CEP68: variants seen among roughly 807,000 people sequenced by gnomAD.
CEP68 encodes the protein centrosomal protein of 68 kDa.
Under a neutral mutation model 55.3 loss-of-function variants are expected in CEP68, and 26 were observed. That is an observed-to-expected ratio of 0.47 (90% CI 0.34 to 0.65). CEP68 has a LOEUF of 0.65. Among genes scored for constraint, CEP68 ranks in the 30% least tolerant of loss-of-function variants. The probability of loss-of-function intolerance (pLI) is 0.01; values close to 1 mark genes in which losing one functional copy is unlikely to be tolerated. For missense variants in CEP68, 957 were observed against 946.7 expected, an observed-to-expected ratio of 1.01 and a Z score of -0.14; for synonymous variants, 402 against 383.2, an observed-to-expected ratio of 1.05 and a Z score of -0.57.
Position 65,077,911 on chromosome 2 carries a change from G to A in CEP68, c.2051G>A (p.Ser684Asn), listed in dbSNP as rs994610846. 1.9e-6 allele frequency: 3 copies of A among 1,614,072 alleles called. No homozygotes were observed. The highest frequency in any genetic ancestry group is 2.2e-5 in the East Asian group (1 of 44,886). ...GATGAACATCAGTCTCTGACGGAGA[G>A]TGTCTTACAGAAGGGGGAGATTCTT... ...DIDEHQSLTE[S>N]VLQKGEILLQ... The change falls in exon 5 of 7, where the codon AGT becomes AAT. Residue 684 changes from serine to asparagine, a missense_variant. Transcript: ENST00000377990.
chr2:65,078,616 G>A (rs1160296104), intron 5 of CEP68, among the ~76,000 whole-genome samples: 5 of 152,162 alleles, frequency 3.3e-5, no homozygotes, highest in South Asian at 2.1e-4. Flanking sequence ...TTGGCTCACC[G>A]CAAGTTCACC....
At chr2:65,069,282 A>G (rs946635627) in intron 1 of CEP68, 117 bp from the exon 2 acceptor site, 12 of 600,572 alleles carry the variant, frequency 2.0e-5, no homozygotes, top group African/African-American at 9.0e-5. Flanking sequence ...AGTAGTCACC[A>G]TTTGTTTCCT....
intron 1 of CEP68, among the ~76,000 whole-genome samples, chr2:65,057,092 C>T (rs1370290611): frequency 2.6e-5 from 4 of 152,230 alleles, no homozygotes; most frequent in Non-Finnish European, 5.9e-5. Flanking sequence ...CCCTTTCTAA[C>T]TGTCATCACT....
chr2:65,069,496 G>A lies in CEP68; in HGVS notation c.52G>A (p.Ala18Thr), dbSNP rs774822169. Residue 18 changes from alanine (A) to threonine (T), a missense_variant, in exon 2 of 7, where the codon GCC becomes ACC. Transcript: ENST00000377990. ...AEAEASEDTKAQSYGRGSCRE... is the reference protein window; with the variant it reads ...AEAEASEDTKTQSYGRGSCRE... ...AGCGGAAGCATCTGAAGACACAAAG[G>A]CCCAGTCCTATGGGAGAGGGAGCTG... 7.7e-6 allele frequency: 12 copies of A among 1,553,028 alleles called. No homozygotes were observed. The highest frequency in any genetic ancestry group is 1.0e-5 in the Non-Finnish European group (12 of 1,149,074).
At chr2:65,068,958 A>T (rs1241184337) in intron 1 of CEP68, among the ~76,000 whole-genome samples, 1 of 152,166 alleles carries the variant, frequency 6.6e-6, no homozygotes, top group Non-Finnish European at 1.5e-5. Flanking sequence ...GTTCTCTAGG[A>T]TAGAACAGTC....
chr2:65,077,511 A>G (rs1053824723), intron 4 of CEP68, among the ~76,000 whole-genome samples: 5 of 152,154 alleles, frequency 3.3e-5, no homozygotes, highest in African/African-American at 1.2e-4. Flanking sequence ...CCTGTGGTCC[A>G]TTAGAATGGA....
rs137973455 is a variant in CEP68, at chr2:65,071,866, G to C, written c.770G>C (p.Gly257Ala). The change falls in exon 3 of 7, where the codon GGT (glycine) becomes GCT (alanine). Residue 257 changes from glycine to alanine, a missense_variant. Gly to Ala is a moderately conservative substitution (Grantham distance 60). Transcript: ENST00000377990. ...TCACCACAGCCTGTGTTCTCTGGGG[G>C]TGATGCTTCTGGGCTAGGCAGGAGA... ...QWSPQPVFSG[G>A]DASGLGRRRL... The C allele has an allele frequency of 1.4e-5, 22 of 1,608,676 alleles. No individual in the cohort carries two copies. The African/African-American group carries it at 2.7e-4, about 20-fold the overall frequency.
chr2:65,071,429 C>T (rs868454271), intron 2 of CEP68, 25 bp from the exon 3 acceptor site: 3 of 1,591,928 alleles, frequency 1.9e-6, no homozygotes, highest in Non-Finnish European at 2.6e-6. Flanking sequence ...TACCCAAGTG[C>T]TTTTTGTCCC....
chr2:65,072,937 A>C lies in CEP68; in HGVS notation c.1841A>C (p.Lys614Thr). ...DPDVEGQLPR[K>T]GGEQGKESLV... ...GATGTTGAAGGGCAGCTTCCCAGGA[A>C]AGGAGGAGAACAGGGAAAAGAATCA... The change falls in exon 3 of 7, where the codon AAA becomes ACA. Residue 614 changes from lysine (K) to threonine (T), a missense_variant. Coordinates refer to ENST00000377990, the MANE Select transcript of CEP68 (RefSeq NM_015147.3). The C allele has an allele frequency of 2.5e-6, 4 of 1,614,212 alleles. No individual in the cohort carries two copies. The highest frequency in any genetic ancestry group is 3.4e-6 in the Non-Finnish European group (4 of 1,180,040).
rs765369113 is a variant in CEP68, at chr2:65,072,048, C to T, written c.952C>T (p.His318Tyr). The change falls in exon 3 of 7, where the codon CAC becomes TAC. Residue 318 changes from histidine (H) to tyrosine (Y), a missense_variant. By Grantham distance (83) the His-to-Tyr change is moderately conservative (BLOSUM62 2). Coordinates refer to ENST00000377990, the MANE Select transcript of CEP68 (RefSeq NM_015147.3). Reference sequence around the variant, plus strand: ...GAGGCCCGGGCCTCAGCTCCCAAAGCACCTTGATAGCCGTGTGCCAGCTGA... The same window carrying T: ...GAGGCCCGGGCCTCAGCTCCCAAAGTACCTTGATAGCCGTGTGCCAGCTGA... ...PLRPGPQLPK[H>Y]LDSRVPADPV... The T allele has an allele frequency of 1.9e-6, 3 of 1,613,702 alleles. No homozygotes were observed. The highest frequency in any genetic ancestry group is 1.7e-6 in the Non-Finnish European group (2 of 1,179,996).
At chr2:65,064,163 T>C (rs1676041448) in intron 1 of CEP68, among the ~76,000 whole-genome samples, 1 of 152,192 alleles carries the variant, frequency 6.6e-6, no homozygotes, top group Non-Finnish European at 1.5e-5. Flanking sequence ...ACTAACCTAG[T>C]TTAGGTTTGT....
rs1676538765 is a variant in CEP68, at chr2:65,072,557, T to C, written c.1461T>C (p.Ala487=). 1.9e-6 allele frequency: 3 copies of C among 1,613,778 alleles called. No homozygotes were observed. The highest frequency in any genetic ancestry group is 2.5e-6 in the Non-Finnish European group (3 of 1,179,990). The change falls in exon 3 of 7, where the codon GCT becomes GCC. Residue 487 remains alanine, a synonymous_variant. Transcript: ENST00000377990. ...ESDDEYLALP[A]RLTQVSSLVS... ...ATGACGAGTATCTTGCCCTCCCCGC[T>C]CGGCTGACACAGGTTTCTAGCCTGG...
rs1472822549 is a variant in CEP68 at position 65,077,941 on chromosome 2, A to T, written c.2081A>T (p.Gln694Leu). The T allele has an allele frequency of 1.2e-5, 19 of 1,613,736 alleles. No homozygotes were observed. The highest frequency in any genetic ancestry group is 1.6e-5 in the Non-Finnish European group (19 of 1,179,762). ...TTACAGAAGGGGGAGATTCTTCTTCAGTGCCTGTTGGAGAACACCCCAGGT... is the reference window on the plus strand; with the variant it reads ...TTACAGAAGGGGGAGATTCTTCTTCTGTGCCTGTTGGAGAACACCCCAGGT... ...SVLQKGEILLQCLLENTPVLE... is the reference protein window; with the variant it reads ...SVLQKGEILLLCLLENTPVLE... The change falls in exon 5 of 7, where the codon CAG (glutamine) becomes CTG (leucine). Residue 694 changes from glutamine to leucine, a missense_variant. Coordinates refer to ENST00000377990, the MANE Select transcript of CEP68 (RefSeq NM_015147.3).
chr2:65,077,044 G>A (rs1280862311), intron 4 of CEP68, among the ~76,000 whole-genome samples: 1 of 144,766 alleles, frequency 6.9e-6, no homozygotes, highest in Non-Finnish European at 1.5e-5. Flanking sequence ...TGCCCAGGCT[G>A]GAGTGCAATG....
At position 65,071,776 on chromosome 2, in the gene CEP68, C is replaced by T; in HGVS notation, c.680C>T (p.Ser227Phe). 2.5e-6 allele frequency: 4 copies of T among 1,612,244 alleles called. No homozygotes were observed. Among genetic ancestry groups the T allele is most frequent in the Non-Finnish European group, 2.5e-6 (3 of 1,178,648 alleles). Residue 227 changes from serine to phenylalanine, a missense_variant, in exon 3 of 7, where the codon TCC (serine) becomes TTC (phenylalanine). Physicochemically the swap from Ser to Phe is radical, Grantham distance 155. Coordinates refer to ENST00000377990, the MANE Select transcript of CEP68 (RefSeq NM_015147.3). The stretch of plus-strand genomic sequence containing the variant: ...GGTTCTCTGGCCAAGGTCTCCTCCT[C>T]CCTGGAGCCGGTCGTCCCCCAGGAA... Reference protein sequence around the residue: ...RGGSLAKVSSSLEPVVPQEPS... With the variant: ...RGGSLAKVSSFLEPVVPQEPS...
Position 65,072,972 on chromosome 2 carries a change from T to C in CEP68, c.1876T>C (p.Cys626Arg), listed in dbSNP as rs376939205. Residue 626 changes from cysteine (C) to arginine (R), a missense_variant, in exon 3 of 7, where the codon TGT (cysteine) becomes CGT (arginine). Physicochemically the swap from Cys to Arg is radical, Grantham distance 180. Coordinates refer to ENST00000377990, the MANE Select transcript of CEP68 (RefSeq NM_015147.3). ...GEQGKESLVQCVKTFCCQLEE... is the reference protein window; with the variant it reads ...GEQGKESLVQRVKTFCCQLEE... Reference sequence around the variant, plus strand: ...ACAGGGAAAAGAATCACTGGTGCAATGTGTGAAGGTAATGACACTCAACGT... The same window carrying C: ...ACAGGGAAAAGAATCACTGGTGCAACGTGTGAAGGTAATGACACTCAACGT... 1.3e-5 allele frequency: 21 copies of C among 1,614,078 alleles called. No homozygotes were observed. In the African/African-American group the frequency reaches 2.1e-4, roughly 16 times the overall value.
In CEP68 at chr2:65,082,562, G is replaced by C. The variant is rs1307944677; in HGVS notation, c.2131G>C (p.Ala711Pro). ...PVLEDVLGRI[A>P]KQSGELESHA... ...TTTAGAGGATGTCCTTGGGAGGATC[G>C]CAAAGCAGTCTGGTGAGCTGGAGAG... Residue 711 changes from alanine to proline, a missense_variant, in exon 6 of 7, where the codon GCA (alanine) becomes CCA (proline). Ala to Pro is a conservative substitution (Grantham distance 27). Transcript: ENST00000377990. 1.3e-6 allele frequency: 2 copies of C among 1,586,536 alleles called. No individual in the cohort carries two copies. The highest frequency in any genetic ancestry group is 2.7e-5 in the African/African-American group (2 of 73,254).
At chr2:65,070,043 A>T (rs1676386970) in intron 2 of CEP68, among the ~76,000 whole-genome samples, 1 of 152,198 alleles carries the variant, frequency 6.6e-6, no homozygotes, top group Non-Finnish European at 1.5e-5. Context: ...TTTAAGGACC[A>T]GGGATTATAG....
At chr2:65,070,399 T>C (rs1029316632) in intron 2 of CEP68, among the ~76,000 whole-genome samples, 15 of 152,020 alleles carry the variant, frequency 9.9e-5, no homozygotes, top group African/African-American at 3.6e-4. Context: ...TTTCAGGCCC[T>C]CAGTATCATT....
Sources: gnomAD v4.1 joint callset for allele counts (sites outside exome capture counted in the v4.1 genomes callset) on GRCh38, gnomAD v4.1.1 for gene constraint, MANE v1.5 for transcripts, NCBI Gene and HGNC (gene_info 2026-07-23, HGNC 2026-07-21) for gene names.